Variants in SLC8A1 observed in about 807,000 individuals in gnomAD.
SLC8A1 encodes sodium/calcium exchanger 1.
Under a neutral mutation model 68.3 loss-of-function variants are expected in SLC8A1, and 18 were observed. That is an observed-to-expected ratio of 0.26 (90% CI 0.18 to 0.39). The LOEUF is 0.39. Ranked by LOEUF, SLC8A1 falls within the 10% of genes least tolerant of loss-of-function variation. SLC8A1 has a pLI of 1.00. For missense variants in SLC8A1, 985 were observed against 1,156.7 expected (o/e 0.85, Z 2.15); for synonymous variants, 475 against 415.5 (o/e 1.14, Z -1.74).
intron 2 of SLC8A1, among the ~76,000 whole-genome samples, chr2:40,395,718 G>A (rs1686702939): frequency 6.6e-6 from 1 of 152,096 alleles, no homozygotes; most frequent in African/African-American, 2.4e-5. Flanking sequence ...TTATCAGAGT[G>A]ATAAGAACTC....
At chr2:40,129,231 T>C (rs2038808677) in intron 7 of SLC8A1, among the ~76,000 whole-genome samples, 1 of 136,570 alleles carries the variant, frequency 7.3e-6, no homozygotes, top group Non-Finnish European at 1.5e-5. Flanking sequence ...CTTGAGATGT[T>C]TCATTTTTTT....
chr2:40,435,621 T>C (rs1282735526), intron 1 of SLC8A1, among the ~76,000 whole-genome samples: 1 of 152,004 alleles, frequency 6.6e-6, no homozygotes, highest in Non-Finnish European at 1.5e-5. Context: ...CCGCTGAAAT[T>C]GTCCAGGAAA....
intron 2 of SLC8A1, among the ~76,000 whole-genome samples, chr2:40,398,605 A>G (rs1412780991): frequency 6.6e-6 from 1 of 152,242 alleles, no homozygotes; most frequent in African/African-American, 2.4e-5. Context: ...AAATGCAATC[A>G]TAGAATAGTC....
At chr2:40,244,237 G>C (rs960023800) in intron 2 of SLC8A1, among the ~76,000 whole-genome samples, 2 of 152,136 alleles carry the variant, frequency 1.3e-5, no homozygotes, top group African/African-American at 4.8e-5. Context: ...AGTGGTGGGA[G>C]ATACATTAGG....
rs368483768 is a variant in SLC8A1, at chr2:40,396,748, TAAAAAAAAAAAAAA to T, written c.1808+31711_1808+31724del. On this transcript the variant is annotated intron_variant, in intron 2 of 7. Coordinates refer to ENST00000406785, the Ensembl canonical transcript of SLC8A1. ...TTTAACCTCCATCATCTCTAATAAC[TAAAAAAAAAAAAAA>T]AAAAAAAAAAAAAAACAAGAGAAGT... Among the ~76,000 whole-genome samples the T allele has an allele frequency of 2.0e-3, 178 of 87,088 alleles. 1 individual carries two copies. Among genetic ancestry groups the T allele is most frequent in the Non-Finnish European group, 1.3e-3 (63 of 48,736 alleles). The allele number at this position is 87,088 out of a possible 152,430, so 57.1% of individuals were successfully genotyped here.
chr2:40,378,389 A>G (rs544451888), intron 2 of SLC8A1, among the ~76,000 whole-genome samples: 11 of 152,264 alleles, frequency 7.2e-5, no homozygotes, highest in Admixed American at 5.9e-4. Context: ...ATGTGTGAGT[A>G]GAAACCTTGG....
intron 2 of SLC8A1, among the ~76,000 whole-genome samples, chr2:40,280,816 A>G (rs2067406365): frequency 6.6e-6 from 1 of 152,238 alleles, no homozygotes; most frequent in Admixed American, 6.5e-5. Context: ...AACAATAGCC[A>G]GGCAAAGGTG....
chr2:40,229,786 A>G (rs540799621), intron 2 of SLC8A1, among the ~76,000 whole-genome samples: 2 of 152,270 alleles, frequency 1.3e-5, no homozygotes, highest in South Asian at 2.1e-4. Flanking sequence ...GCCTTCCTGT[A>G]TTGTGTGCTT....
At chr2:40,237,227 C>T (rs533473572) in intron 2 of SLC8A1, among the ~76,000 whole-genome samples, 18 of 152,324 alleles carry the variant, frequency 1.2e-4, no homozygotes, top group Middle Eastern at 3.4e-3. Context: ...TTGTCCCCAT[C>T]GCTTTCAGGT....
intron 2 of SLC8A1, among the ~76,000 whole-genome samples, chr2:40,363,540 T>C (rs1247624874): frequency 1.3e-5 from 2 of 152,152 alleles, no homozygotes; most frequent in Non-Finnish European, 2.9e-5. Flanking sequence ...GCTATCATTA[T>C]TATTAAATCC....
At chr2:40,172,969 A>G (rs2148525223) in intron 4 of SLC8A1, among the ~76,000 whole-genome samples, 1 of 152,258 alleles carries the variant, frequency 6.6e-6, no homozygotes. Context: ...ATTCAGTAAT[A>G]AAACAGAAAG....
intron 2 of SLC8A1, among the ~76,000 whole-genome samples, chr2:40,278,856 T>C (rs1019600180): frequency 1.3e-5 from 2 of 152,218 alleles, no homozygotes; most frequent in Non-Finnish European, 2.9e-5. Context: ...GTATTATTTA[T>C]TAAAAGGTTT....
At chr2:40,180,161 T>C (rs550750108) in intron 2 of SLC8A1, among the ~76,000 whole-genome samples, 1 of 152,204 alleles carries the variant, frequency 6.6e-6, no homozygotes, top group South Asian at 2.1e-4. Context: ...AACAGTATGA[T>C]AATGTCCAGT....
rs903395697 is a variant in SLC8A1 at position 40,436,553 on chromosome 2, G to T, written c.-24-6249C>A. On this transcript the variant is annotated intron_variant, in intron 1 of 7. Transcript: ENST00000406785. ...CCACAACCTGGGTGTGTGTCTTCCA[G>T]CATCAGCCCTGGCTTGCTTATTTTA... 1.5e-4 allele frequency among the ~76,000 whole-genome samples: 23 copies of T among 152,184 alleles called. 1 individual carries two copies. The highest frequency in any genetic ancestry group is 7.4e-5 in the Non-Finnish European group (5 of 68,010).
intron 2 of SLC8A1, among the ~76,000 whole-genome samples, chr2:40,386,734 T>C (rs1397888575): frequency 6.6e-6 from 1 of 150,794 alleles, no homozygotes; most frequent in African/African-American, 2.5e-5. Context: ...ACAGAACCCA[T>C]GATGGATGAG....
upstream of SLC8A1, among the ~76,000 whole-genome samples, chr2:40,454,256 C>T (rs1702855526): frequency 6.6e-6 from 1 of 152,104 alleles, no homozygotes; most frequent in Non-Finnish European, 1.5e-5. Flanking sequence ...AAATAGAACA[C>T]AGCCAAATGA....
intron 2 of SLC8A1, among the ~76,000 whole-genome samples, chr2:40,424,390 A>G (rs1399133323): frequency 6.6e-6 from 1 of 151,846 alleles, no homozygotes; most frequent in Non-Finnish European, 1.5e-5. Context: ...CACAGGTCCC[A>G]TAAATAGCAA....
At chr2:40,432,333 G>A (rs1266398082) in intron 1 of SLC8A1, among the ~76,000 whole-genome samples, 1 of 150,754 alleles carries the variant, frequency 6.6e-6, no homozygotes, top group Admixed American at 6.6e-5. Flanking sequence ...ATAAATATCA[G>A]AAGGTTAAAA....
At chr2:40,163,759 A>T (rs375311) in intron 5 of SLC8A1, among the ~76,000 whole-genome samples, 110,943 of 152,080 alleles carry the variant, frequency 0.73, 41,061 homozygotes, top group Middle Eastern at 0.83. Context: ...AAGGAAAAAG[A>T]TTAATTGCAT....
Sources: gnomAD v4.1 joint callset for allele counts (sites outside exome capture counted in the v4.1 genomes callset) on GRCh38, gnomAD v4.1.1 for gene constraint, MANE v1.5 for transcripts, NCBI Gene and HGNC (gene_info 2026-07-23, HGNC 2026-07-21) for gene names.